Variants in AIG1 observed in about 807,000 individuals in gnomAD.
The protein encoded by AIG1 is androgen-induced gene 1 protein.
AIG1 carries 23 observed loss-of-function variants against 31.4 expected under a neutral mutation model. The ratio of observed to expected loss-of-function variants is 0.73; its 90% CI spans 0.53 to 1.04. The LOEUF is 1.04. Among genes scored for constraint, AIG1 ranks in the 50% least tolerant of loss-of-function variants. The pLI is 0.00. For synonymous variants in AIG1, 100 were observed against 110.5 expected (o/e 0.90, Z 0.60); for missense variants, 274 against 295.0 (o/e 0.93, Z 0.52).
chr6:143,300,273 A>G (rs1798735754), intron 4 of AIG1, among the ~76,000 whole-genome samples: 1 of 152,194 alleles, frequency 6.6e-6, no homozygotes, highest in African/African-American at 2.4e-5. Context: ...GGAGTAATTA[A>G]TGTTTGTCAA....
intron 3 of AIG1, among the ~76,000 whole-genome samples, chr6:143,204,739 C>G (rs544457781): frequency 7.7e-4 from 117 of 151,992 alleles, no homozygotes; most frequent in African/African-American, 2.7e-3. Context: ...AAATTGAGAG[C>G]AAAGGTAGAG....
intron 1 of AIG1, among the ~76,000 whole-genome samples, chr6:143,102,487 TA>T (rs1477245048): frequency 6.8e-6 from 1 of 146,914 alleles, no homozygotes; most frequent in Non-Finnish European, 1.5e-5. Context: ...ATAATATATA[TA>T]AAAATATATA....
intron 1 of AIG1, among the ~76,000 whole-genome samples, chr6:143,085,171 A>G (rs1397185634): frequency 1.3e-5 from 2 of 152,168 alleles, no homozygotes; most frequent in South Asian, 2.1e-4. Flanking sequence ...AAAAAGGTAC[A>G]TGCACTCTGA....
intron 3 of AIG1, among the ~76,000 whole-genome samples, chr6:143,217,768 C>T (rs940716887): frequency 7.9e-5 from 12 of 152,236 alleles, no homozygotes; most frequent in Non-Finnish European, 1.6e-4. Context: ...CTTGGCCTCC[C>T]AAAGTGCGGG....
intron 3 of AIG1, among the ~76,000 whole-genome samples, chr6:143,278,989 T>C (rs1429752260): frequency 6.6e-6 from 1 of 152,070 alleles, no homozygotes; most frequent in Non-Finnish European, 1.5e-5. Flanking sequence ...GTGAATTGGG[T>C]GAGAACTTTA....
At chr6:143,209,665 T>C (rs7752166) in intron 3 of AIG1, among the ~76,000 whole-genome samples, 8,389 of 152,228 alleles carry the variant, frequency 0.055, 722 homozygotes, top group African/African-American at 0.18. Flanking sequence ...ACGGCTCCCT[T>C]GTTTTAGCCC....
At chr6:143,195,265 G>A (rs1202684942) in intron 3 of AIG1, among the ~76,000 whole-genome samples, 2 of 152,114 alleles carry the variant, frequency 1.3e-5, no homozygotes, top group African/African-American at 4.8e-5. Context: ...AGGTAAAGGT[G>A]GAGTATAGCT....
rs1798710799 is a variant in AIG1 at position 143,299,975 on chromosome 6, T to C, written c.515+15750T>C. Among the ~76,000 whole-genome samples the C allele has an allele frequency of 1.3e-5, 2 of 152,170 alleles. No homozygotes were observed. Among genetic ancestry groups the C allele is most frequent in the African/African-American group, 4.8e-5 (2 of 41,450 alleles). On this transcript the variant is annotated intron_variant, in intron 4 of 5. Coordinates refer to ENST00000357847, the MANE Select transcript of AIG1 (RefSeq NM_016108.4). The surrounding 1 kb of genome is among the most constrained non-coding windows in gnomAD (Gnocchi z 4.1). ...CATCATAGCATTTCTGACACTGCTG[T>C]GAAACATCCACCGTGCACCACCACC...
At chr6:143,311,691 A>G (rs917619165) in intron 4 of AIG1, among the ~76,000 whole-genome samples, 3 of 151,906 alleles carry the variant, frequency 2.0e-5, no homozygotes, top group Non-Finnish European at 2.9e-5. Context: ...AACATCTATT[A>G]AAAATTTATA....
chr6:143,128,544 T>A (rs1782900178), intron 1 of AIG1, among the ~76,000 whole-genome samples: 1 of 152,210 alleles, frequency 6.6e-6, no homozygotes, highest in African/African-American at 2.4e-5. Flanking sequence ...GGTGTATATG[T>A]GTGTCATGCT....
chr6:143,132,939 A>G (rs1271689160), intron 1 of AIG1, among the ~76,000 whole-genome samples: 1 of 151,684 alleles, frequency 6.6e-6, no homozygotes, highest in Non-Finnish European at 1.5e-5. Context: ...TTCTCTCGCT[A>G]TTTTTATGTC....
intron 1 of AIG1, among the ~76,000 whole-genome samples, chr6:143,108,082 T>G (rs1209463696): frequency 6.6e-6 from 1 of 152,214 alleles, no homozygotes; most frequent in African/African-American, 2.4e-5. Context: ...ATCTCTCAAC[T>G]GACAGTTAAG....
At chr6:143,312,552 A>G (rs1775380861) in intron 4 of AIG1, among the ~76,000 whole-genome samples, 1 of 152,156 alleles carries the variant, frequency 6.6e-6, no homozygotes, top group South Asian at 2.1e-4. Context: ...ATATAGAAAA[A>G]TCAAATCAAA....
At chr6:143,121,733 C>A (rs1318291625) in intron 1 of AIG1, among the ~76,000 whole-genome samples, 1 of 152,170 alleles carries the variant, frequency 6.6e-6, no homozygotes, top group Non-Finnish European at 1.5e-5. Context: ...ATAATTATTT[C>A]AAATAATGTT....
chr6:143,144,585 T>A (rs1027132520), intron 2 of AIG1, among the ~76,000 whole-genome samples: 2 of 152,190 alleles, frequency 1.3e-5, no homozygotes, highest in African/African-American at 2.4e-5. Context: ...GATGTATAAG[T>A]TAATGAGGTA....
chr6:143,109,889 C>T (rs891435941), intron 1 of AIG1, among the ~76,000 whole-genome samples: 2 of 152,136 alleles, frequency 1.3e-5, no homozygotes, highest in Non-Finnish European at 2.9e-5. Flanking sequence ...TGAAGTTTAA[C>T]TTATTAATCC....
chr6:143,226,776 G>C (rs980310005), intron 3 of AIG1, among the ~76,000 whole-genome samples: 1 of 151,972 alleles, frequency 6.6e-6, no homozygotes, highest in Non-Finnish European at 1.5e-5. Flanking sequence ...AAAATGAATG[G>C]AGTTAGCAAG....
intron 2 of AIG1, among the ~76,000 whole-genome samples, chr6:143,140,245 C>T (rs779814982): frequency 5.9e-5 from 9 of 152,276 alleles, no homozygotes; most frequent in Middle Eastern, 3.4e-3. Context: ...GGGTCCCTCC[C>T]ACGACACACA....
rs377153291 is a variant in AIG1 at position 143,188,912 on chromosome 6, G to GT, written c.399+23736dup. 8.7e-5 allele frequency: 86 copies of GT among 984,496 alleles called. No individual in the cohort carries two copies. The African/African-American group carries it at 1.4e-3, about 16-fold the overall frequency. 61.0% of individuals were successfully genotyped at this position (984,496 alleles called of 1,614,324 possible). On this transcript the variant is annotated intron_variant, in intron 3 of 5. Transcript: ENST00000357847. The stretch of plus-strand genomic sequence containing the variant: ...AAAGTGTATTCAGTAAAATTAATGC[G>GT]TTTTTTTCTTAAAAGCTCAAGCCTT...
Sources: gnomAD v4.1 joint callset for allele counts (sites outside exome capture counted in the v4.1 genomes callset) on GRCh38, gnomAD v4.1.1 for gene constraint, Gnocchi (gnomAD v3.1) non-coding constraint, MANE v1.5 for transcripts, NCBI Gene and HGNC (gene_info 2026-07-23, HGNC 2026-07-21) for gene names.